The following HGF variants were observed in gnomAD, a reference collection of about 807,000 sequenced individuals.
HGF encodes the protein hepatocyte growth factor.
In HGF, 39 loss-of-function variants were observed where a neutral mutation model predicts 111.6. That is an observed-to-expected ratio of 0.35 (90% CI 0.27 to 0.46). The LOEUF (loss-of-function observed/expected upper bound fraction) is 0.46. Among genes scored for constraint, HGF ranks in the 20% least tolerant of loss-of-function variants. HGF has a pLI of 1.00. For synonymous variants in HGF, 285 were observed against 294.8 expected, an observed-to-expected ratio of 0.97 and a Z score of 0.34; for missense variants, 735 against 910.5, an observed-to-expected ratio of 0.81 and a Z score of 2.48.
chr7:81,763,646 A>G (rs1329352401), intron 1 of HGF, among the ~76,000 whole-genome samples: 1 of 152,212 alleles, frequency 6.6e-6, no homozygotes, highest in Non-Finnish European at 1.5e-5. Context: ...GGATAACTTT[A>G]GTGTTTCAAA....
chr7:81,703,517 G>GTA (rs1789342096), intron 17 of HGF, among the ~76,000 whole-genome samples: 1 of 149,716 alleles, frequency 6.7e-6, no homozygotes, highest in Admixed American at 6.7e-5. Flanking sequence ...TTTGTGTTGT[G>GTA]TATATATACA....
In HGF at chr7:81,726,073, C is replaced by T. The variant is rs78482204; in HGVS notation, c.1041-56G>A. ...GCCGGAGTTCTTACGTTGGTGAAGT[C>T]AGCGCTATTACATTTCTAGAATTCT... On this transcript the variant is annotated intron_variant, in intron 8 of 17. Transcript: ENST00000222390. 4.5e-6 allele frequency: 7 copies of T among 1,548,702 alleles called. No individual in the cohort carries two copies. The South Asian group carries it at 7.8e-5, about 17-fold the overall frequency.
chr7:81,744,198 G>C (rs4732405), intron 6 of HGF, among the ~76,000 whole-genome samples: 1 of 151,960 alleles, frequency 6.6e-6, no homozygotes, highest in African/African-American at 2.4e-5. Flanking sequence ...AATTTCCTGT[G>C]TAATTATTTG....
intron 5 of HGF, among the ~76,000 whole-genome samples, chr7:81,747,289 A>G (rs1788305827): frequency 6.6e-6 from 1 of 152,164 alleles, no homozygotes; most frequent in African/African-American, 2.4e-5. Flanking sequence ...CAGTGAGCCG[A>G]GATGGCACCA....
intron 4 of HGF, chr7:81,755,665 A>G (rs1788732166): frequency 9.4e-6 from 2 of 212,130 alleles, no homozygotes; most frequent in Non-Finnish European, 9.3e-6. Flanking sequence ...AAAAACTTAG[A>G]TCCATCTACT....
intron 7 of HGF, 24 bp from the exon 8 acceptor site, chr7:81,729,803 A>C (rs764091334): frequency 1.6e-4 from 259 of 1,609,160 alleles, no homozygotes; most frequent in South Asian, 4.1e-4. Flanking sequence ...ACAACAACAA[A>C]AAAAAACTTA....
chr7:81,749,413 C>T (rs1417033021), intron 5 of HGF, among the ~76,000 whole-genome samples: 1 of 152,048 alleles, frequency 6.6e-6, no homozygotes, highest in Non-Finnish European at 1.5e-5. Flanking sequence ...TTGAATCAAG[C>T]ACTAATTATT....
rs1407339116 is a variant in HGF at position 81,701,971 on chromosome 7, G to A, written c.*610C>T. On this transcript the variant is annotated 3_prime_UTR_variant, in exon 18 of 18. Transcript: ENST00000222390. ...GGTACATACTTCTAAAATATTTAGG[G>A]GTTACATTAGGTACACCATAATTTA... 3 of 169,012 alleles carry A rather than the reference G, an allele frequency of 1.8e-5. No individual in the cohort carries two copies. The highest frequency in any genetic ancestry group is 7.2e-5 in the African/African-American group (3 of 41,952). The allele number at this position is 169,012 out of a possible 1,614,324, so 10.5% of individuals were successfully genotyped here. A position where few individuals can be genotyped will look rare whatever the true frequency, so the allele number is the denominator to read the frequency against.
chr7:81,734,115 G>A (rs1787751075), intron 7 of HGF, among the ~76,000 whole-genome samples: 1 of 152,110 alleles, frequency 6.6e-6, no homozygotes, highest in Non-Finnish European at 1.5e-5. Flanking sequence ...GAAGTTGATT[G>A]TTTAGACAAA....
At chr7:81,738,784 G>A (rs1169165283) in intron 7 of HGF, among the ~76,000 whole-genome samples, 1 of 152,048 alleles carries the variant, frequency 6.6e-6, no homozygotes, top group Non-Finnish European at 1.5e-5. Flanking sequence ...TTTCTATCTT[G>A]TTATAGGCCT....
chr7:81,762,234 C>T (rs1426692539), intron 2 of HGF, among the ~76,000 whole-genome samples: 1 of 152,164 alleles, frequency 6.6e-6, no homozygotes, highest in Non-Finnish European at 1.5e-5. Context: ...CTGCTGACAC[C>T]AGTCTCTCTA....
chr7:81,705,795 T>C, intron 15 of HGF, 42 bp from the exon 16 acceptor site: 2 of 1,170,800 alleles, frequency 1.7e-6, no homozygotes, highest in Non-Finnish European at 2.6e-6. Flanking sequence ...TCAACTGGAT[T>C]CAACACAAAA....
intron 2 of HGF, among the ~76,000 whole-genome samples, chr7:81,762,320 T>C (rs147893049): frequency 3.3e-5 from 5 of 152,330 alleles, no homozygotes; most frequent in African/African-American, 1.2e-4. Context: ...GAAGTAAATT[T>C]TGGCTGCTGC....
chr7:81,708,808 A>G (rs975143263), intron 13 of HGF, among the ~76,000 whole-genome samples: 2 of 151,788 alleles, frequency 1.3e-5, no homozygotes, highest in African/African-American at 4.8e-5. Flanking sequence ...TCTTTACTAA[A>G]TCCTCATACT....
chr7:81,759,958 T>C (rs1788984490), intron 2 of HGF, among the ~76,000 whole-genome samples: 1 of 152,154 alleles, frequency 6.6e-6, no homozygotes, highest in Admixed American at 6.5e-5. Flanking sequence ...AAAAAAATGA[T>C]AAATTTGTTT....
chr7:81,708,229 C>A (rs1789478046), intron 13 of HGF, among the ~76,000 whole-genome samples: 2 of 151,974 alleles, frequency 1.3e-5, no homozygotes, highest in Non-Finnish European at 2.9e-5. Flanking sequence ...AATTTCTATC[C>A]TTTTCAGTAT....
intron 2 of HGF, among the ~76,000 whole-genome samples, chr7:81,760,070 G>A (rs1788993116): frequency 1.3e-5 from 2 of 152,262 alleles, no homozygotes; most frequent in South Asian, 2.1e-4. Flanking sequence ...TTTAAGAAAA[G>A]TGTTTCTTAT....
chr7:81,703,480 T>G (rs1789341331), intron 17 of HGF, among the ~76,000 whole-genome samples: 1 of 150,810 alleles, frequency 6.6e-6, no homozygotes. Flanking sequence ...CATCATCAGA[T>G]AGAGGAAAGA....
intron 7 of HGF, among the ~76,000 whole-genome samples, chr7:81,731,860 T>A (rs547904864): frequency 6.6e-6 from 1 of 152,222 alleles, no homozygotes; most frequent in African/African-American, 2.4e-5. Flanking sequence ...AAAGAAAATT[T>A]GGGGGCACAA....
Sources: allele counts gnomAD v4.1 joint callset (sites outside exome capture counted in the v4.1 genomes callset), GRCh38; gene constraint gnomAD v4.1.1; transcripts MANE v1.5; gene names NCBI Gene and HGNC (gene_info 2026-07-23, HGNC 2026-07-21).